The following HS3ST4 variants were observed in gnomAD, a reference collection of about 807,000 sequenced individuals.
The protein encoded by HS3ST4 is heparan sulfate-glucosamine 3-sulfotransferase 4.
Under a neutral mutation model 29.2 loss-of-function variants are expected in HS3ST4, and 17 were observed. The observed-to-expected ratio is 0.58, with a 90% CI of 0.40 to 0.87. The LOEUF (loss-of-function observed/expected upper bound fraction) is 0.87. Ranked by LOEUF, HS3ST4 falls within the 40% of genes least tolerant of loss-of-function variation. The pLI is 0.00. For missense variants in HS3ST4, 627 were observed against 634.5 expected, an observed-to-expected ratio of 0.99 and a Z score of 0.13; for synonymous variants, 314 against 285.7, an observed-to-expected ratio of 1.10 and a Z score of -1.00.
chr16:25,696,425 C>T (rs1049832851), intron 1 of HS3ST4, among the ~76,000 whole-genome samples: 1 of 152,210 alleles, frequency 6.6e-6, no homozygotes, highest in Admixed American at 6.5e-5. Flanking sequence ...GCAGAGCATA[C>T]GGTAACCATG....
intron 1 of HS3ST4, among the ~76,000 whole-genome samples, chr16:25,980,064 C>T (rs971596478): frequency 7.2e-5 from 11 of 152,158 alleles, no homozygotes; most frequent in East Asian, 1.9e-4. Context: ...GTCATGTCCT[C>T]CTCCAATCTG....
At chr16:25,786,304 C>A (rs754874589) in intron 1 of HS3ST4, among the ~76,000 whole-genome samples, 15 of 152,080 alleles carry the variant, frequency 9.9e-5, no homozygotes, top group Non-Finnish European at 1.9e-4. Context: ...CGACTGGAGT[C>A]CATGCTCTGA....
intron 1 of HS3ST4, among the ~76,000 whole-genome samples, chr16:25,990,817 C>G (rs758818222): frequency 1.3e-5 from 2 of 152,194 alleles, no homozygotes; most frequent in Non-Finnish European, 2.9e-5. Context: ...AAAAAATGAT[C>G]TTCTGCCCTA....
At chr16:25,842,878 C>T (rs1447585633) in intron 1 of HS3ST4, among the ~76,000 whole-genome samples, 1 of 152,014 alleles carries the variant, frequency 6.6e-6, no homozygotes, top group Non-Finnish European at 1.5e-5. Context: ...ACTTTTTGCA[C>T]CTATAAAATG....
At chr16:25,851,415 G>C (rs532023476) in intron 1 of HS3ST4, among the ~76,000 whole-genome samples, 1 of 151,992 alleles carries the variant, frequency 6.6e-6, no homozygotes, top group Non-Finnish European at 1.5e-5. Flanking sequence ...CCTTCCATTT[G>C]CCCTCTGTCC....
At chr16:26,029,390 C>T (rs1457332262) in intron 1 of HS3ST4, among the ~76,000 whole-genome samples, 1 of 152,004 alleles carries the variant, frequency 6.6e-6, no homozygotes, top group Non-Finnish European at 1.5e-5. Context: ...ACAAGGGTCC[C>T]CACACTTCAT....
chr16:25,757,972 T>C (rs546852706), intron 1 of HS3ST4, among the ~76,000 whole-genome samples: 1 of 152,250 alleles, frequency 6.6e-6, no homozygotes, highest in East Asian at 2.0e-4. Flanking sequence ...TGTTATCTTC[T>C]AAGCGGCACA....
At chr16:25,890,894 C>A (rs889849066) in intron 1 of HS3ST4, among the ~76,000 whole-genome samples, 3 of 152,008 alleles carry the variant, frequency 2.0e-5, no homozygotes, top group Non-Finnish European at 4.4e-5. Flanking sequence ...ATGAAGAAGG[C>A]GGATCAGCTC....
chr16:25,811,422 C>CTTTTTTTTTTTTTTTTTTTTTT (rs5816324), intron 1 of HS3ST4, among the ~76,000 whole-genome samples: 5 of 129,056 alleles, frequency 3.9e-5, no homozygotes, highest in Non-Finnish European at 3.1e-5. Flanking sequence ...TTTTCTTCTT[C>CTTTTTTTTTTTTTTTTTTTTTT]TTTTTTTTTT....
At chr16:25,717,069 G>A (rs1055124596) in intron 1 of HS3ST4, among the ~76,000 whole-genome samples, 10 of 151,972 alleles carry the variant, frequency 6.6e-5, no homozygotes, top group Non-Finnish European at 4.4e-5. Flanking sequence ...AAAAAAGGGA[G>A]GCAGGGAGGG....
At chr16:25,974,003 C>T (rs1968920128) in intron 1 of HS3ST4, among the ~76,000 whole-genome samples, 1 of 152,180 alleles carries the variant, frequency 6.6e-6, no homozygotes, top group African/African-American at 2.4e-5. Context: ...ATTATACATA[C>T]AAGACACATG....
chr16:25,709,550 C>T (rs1966401992), intron 1 of HS3ST4, among the ~76,000 whole-genome samples: 1 of 152,168 alleles, frequency 6.6e-6, no homozygotes, highest in South Asian at 2.1e-4. Flanking sequence ...CAGTGAGGTT[C>T]CACCGGCTTG....
intron 1 of HS3ST4, among the ~76,000 whole-genome samples, chr16:25,906,511 C>G (rs1282390754): frequency 6.6e-6 from 1 of 152,082 alleles, no homozygotes; most frequent in African/African-American, 2.4e-5. Flanking sequence ...GAGAAAGTCC[C>G]TGCCCTCAAA....
chr16:26,041,500 A>G (rs112325653), intron 1 of HS3ST4, among the ~76,000 whole-genome samples: 2,525 of 152,248 alleles, frequency 0.017, 65 homozygotes, highest in African/African-American at 0.056. Context: ...ACGAACAAAC[A>G]AAACAAAACC....
At chr16:26,101,826 T>C (rs1195981661) in intron 1 of HS3ST4, among the ~76,000 whole-genome samples, 1 of 152,214 alleles carries the variant, frequency 6.6e-6, no homozygotes, top group East Asian at 1.9e-4. Context: ...TTAATTTTTA[T>C]AACCAAATAA....
At position 25,695,106 on chromosome 16, in the gene HS3ST4, C is replaced by T. The variant is rs114535870; in HGVS notation, c.734+1955C>T. On this transcript the variant is annotated intron_variant, in intron 1 of 1. Transcript: ENST00000331351. ...GTGGCTCCTGATTATGTTATTCCAG[C>T]GCTGTGGTATGCCCAGCCTTCTACT... 4.3e-3 allele frequency among the ~76,000 whole-genome samples: 660 copies of T among 152,252 alleles called. 1 individual carries two copies. The highest frequency in any genetic ancestry group is 0.015 in the African/African-American group (604 of 41,534).
intron 1 of HS3ST4, among the ~76,000 whole-genome samples, chr16:26,088,153 C>G (rs1235859716): frequency 6.6e-6 from 1 of 152,206 alleles, no homozygotes. Context: ...GCCCGGCATG[C>G]TATGGCTGCA....
chr16:26,011,286 G>A (rs1243878852), intron 1 of HS3ST4, among the ~76,000 whole-genome samples: 3 of 152,218 alleles, frequency 2.0e-5, no homozygotes, highest in Non-Finnish European at 2.9e-5. Context: ...TTGGCCAGGC[G>A]TGGTGGCTCA....
intron 1 of HS3ST4, among the ~76,000 whole-genome samples, chr16:25,826,740 G>A (rs1197127106): frequency 6.6e-6 from 1 of 152,154 alleles, no homozygotes; most frequent in Non-Finnish European, 1.5e-5. Flanking sequence ...GGAGGGATAG[G>A]AGCCTGTGGC....
Sources: allele counts gnomAD v4.1 joint callset (sites outside exome capture counted in the v4.1 genomes callset), GRCh38; gene constraint gnomAD v4.1.1; transcripts MANE v1.5; gene names NCBI Gene and HGNC (gene_info 2026-07-23, HGNC 2026-07-21).